Variants in TRAK1 observed in about 807,000 individuals in gnomAD.
TRAK1 encodes the protein trafficking kinesin protein 1, also known as trafficking kinesin-binding protein 1.
In TRAK1, 33 loss-of-function variants were observed where a neutral mutation model predicts 92.1. The ratio of observed to expected loss-of-function variants is 0.36; its 90% CI spans 0.27 to 0.48. TRAK1 has a LOEUF of 0.48. TRAK1 is among the 20% of genes least tolerant of loss of function. TRAK1 has a pLI of 0.99. For missense variants in TRAK1, 1,123 were observed against 1,257.9 expected, an observed-to-expected ratio of 0.89 and a Z score of 1.62; for synonymous variants, 521 against 517.3, an observed-to-expected ratio of 1.01 and a Z score of -0.10.
chr3:42,140,441 C>T (rs773377745), intron 2 of TRAK1, among the ~76,000 whole-genome samples: 56 of 152,130 alleles, frequency 3.7e-4, no homozygotes, highest in Admixed American at 9.2e-4. Flanking sequence ...CATTCTGGCT[C>T]GATGGTGAAA....
chr3:42,175,342 T>TG (rs1703063227), intron 2 of TRAK1, among the ~76,000 whole-genome samples: 1 of 152,186 alleles, frequency 6.6e-6, no homozygotes, highest in Non-Finnish European at 1.5e-5. Flanking sequence ...CTTAAGCACT[T>TG]GTGTGACCTC....
intron 1 of TRAK1, among the ~76,000 whole-genome samples, chr3:42,082,034 G>A (rs1704463532): frequency 6.6e-6 from 1 of 152,154 alleles, no homozygotes; most frequent in Non-Finnish European, 1.5e-5. Context: ...TGTGGCTTGT[G>A]TTTCCCTTTT....
chr3:42,027,770 GA>G (rs1199861924), intron 1 of TRAK1, among the ~76,000 whole-genome samples: 2 of 152,124 alleles, frequency 1.3e-5, no homozygotes, highest in Non-Finnish European at 2.9e-5. Context: ...AGAAAACCAG[GA>G]ACAACCATTT....
chr3:42,029,505 G>A (rs1007469119), intron 1 of TRAK1, among the ~76,000 whole-genome samples: 2 of 151,214 alleles, frequency 1.3e-5, no homozygotes, highest in South Asian at 2.1e-4. Context: ...TCTTCCCTAA[G>A]TGCTGGGATT....
intron 1 of TRAK1, among the ~76,000 whole-genome samples, chr3:42,076,330 A>G (rs56036033): frequency 0.15 from 20,184 of 130,682 alleles, 1,674 homozygotes; most frequent in Middle Eastern, 0.29. Flanking sequence ...TGTTCATGTG[A>G]TTCTCCTGCC....
At chr3:42,127,085 C>T (rs1026310950) in intron 2 of TRAK1, among the ~76,000 whole-genome samples, 13 of 152,100 alleles carry the variant, frequency 8.5e-5, no homozygotes, top group Admixed American at 2.0e-4. Flanking sequence ...TGATTCACAA[C>T]GTCTGTACCA....
At chr3:42,022,689 T>C (rs574593660) in intron 1 of TRAK1, among the ~76,000 whole-genome samples, 75 of 149,158 alleles carry the variant, frequency 5.0e-4, no homozygotes, top group African/African-American at 1.9e-3. Flanking sequence ...ACCATTGTAC[T>C]CCGGCCTAGG....
At chr3:42,200,088 A>G (rs1284641566) in intron 11 of TRAK1, among the ~76,000 whole-genome samples, 3 of 152,202 alleles carry the variant, frequency 2.0e-5, no homozygotes, top group African/African-American at 7.2e-5. Flanking sequence ...CATGTGGACC[A>G]GGTTTCATTG....
At chr3:42,075,923 A>G (rs1201571074) in intron 1 of TRAK1, among the ~76,000 whole-genome samples, 1 of 152,054 alleles carries the variant, frequency 6.6e-6, no homozygotes, top group Non-Finnish European at 1.5e-5. Context: ...ACTCACTGCC[A>G]CCTCTGCCTC....
At chr3:42,127,517 G>A (rs889372888) in intron 2 of TRAK1, among the ~76,000 whole-genome samples, 2 of 151,668 alleles carry the variant, frequency 1.3e-5, no homozygotes, top group African/African-American at 2.4e-5. Flanking sequence ...GTACCACCAC[G>A]CTCAGCTAAT....
chr3:42,172,131 C>G (rs771590141), intron 2 of TRAK1, among the ~76,000 whole-genome samples: 5 of 152,202 alleles, frequency 3.3e-5, no homozygotes, highest in Non-Finnish European at 4.4e-5. Context: ...AAAGTGGATT[C>G]TCCCAAACCA....
In TRAK1 at chr3:42,130,851, G is replaced by A. The variant is rs181696079; in HGVS notation, c.286+5237G>A. On this transcript the variant is annotated intron_variant, in intron 2 of 15. Coordinates refer to ENST00000327628, the MANE Select transcript of TRAK1 (RefSeq NM_001042646.3). ...ATCATTGTTCACATGGGGCCCCTGAGGTGCGGGGTGCATTGACTTGCTAAG... is the reference window on the plus strand; with the variant it reads ...ATCATTGTTCACATGGGGCCCCTGAAGTGCGGGGTGCATTGACTTGCTAAG... 5.9e-5 allele frequency among the ~76,000 whole-genome samples: 9 copies of A among 152,316 alleles called. No homozygotes were observed. In the East Asian group the frequency reaches 1.7e-3, roughly 29 times the overall value.
chr3:42,082,371 G>A (rs1704477682), upstream of TRAK1, among the ~76,000 whole-genome samples: 1 of 152,068 alleles, frequency 6.6e-6, no homozygotes, highest in Non-Finnish European at 1.5e-5. Context: ...GGCTGAGGTG[G>A]GTGGATCACT....
At chr3:42,038,787 C>CAA (rs34444971) in intron 1 of TRAK1, among the ~76,000 whole-genome samples, 5,133 of 62,376 alleles carry the variant, frequency 0.082, 211 homozygotes, top group Middle Eastern at 0.2. Flanking sequence ...GACTTCATCT[C>CAA]AAAAAAAAAA....
intron 2 of TRAK1, among the ~76,000 whole-genome samples, chr3:42,164,392 C>T (rs765938337): frequency 4.6e-5 from 7 of 152,238 alleles, no homozygotes; most frequent in Non-Finnish European, 8.8e-5. Flanking sequence ...GGCACTTTCT[C>T]ATGTCACTCA....
upstream of TRAK1, among the ~76,000 whole-genome samples, chr3:42,090,915 G>T (rs1704997274): frequency 6.6e-6 from 1 of 152,182 alleles, no homozygotes; most frequent in Non-Finnish European, 1.5e-5. Flanking sequence ...TGGAGAACAT[G>T]CTCGGATTAA....
intron 2 of TRAK1, among the ~76,000 whole-genome samples, chr3:42,163,953 G>A (rs143977681): frequency 9.9e-4 from 150 of 152,264 alleles, no homozygotes; most frequent in African/African-American, 3.1e-3. Flanking sequence ...CATTTACTTT[G>A]TAAAATGAAA....
intron 1 of TRAK1, among the ~76,000 whole-genome samples, chr3:42,032,496 A>AAAAG (rs1559711127): frequency 6.7e-6 from 1 of 149,964 alleles, no homozygotes; most frequent in African/African-American, 2.5e-5. Context: ...AAAAAAAAAA[A>AAAAG]CCATCTTTGC....
rs767422913 is a variant in TRAK1 at position 42,210,147 on chromosome 3, G to A, written c.1963+162G>A. ...TGGTGAGGGCACCACGATAAGTCCT[G>A]TAAACTTGGCACCTTTCCCGGAGGC... On this transcript the variant is annotated intron_variant, in intron 14 of 15. Coordinates refer to ENST00000327628, the MANE Select transcript of TRAK1 (RefSeq NM_001042646.3). The A allele has an allele frequency of 2.5e-6, 4 of 1,602,432 alleles. No individual in the cohort carries two copies. The African/African-American group carries it at 5.4e-5, about 21-fold the overall frequency.
Sources: allele counts gnomAD v4.1 joint callset (sites outside exome capture counted in the v4.1 genomes callset), GRCh38; gene constraint gnomAD v4.1.1; transcripts MANE v1.5; gene names NCBI Gene and HGNC (gene_info 2026-07-23, HGNC 2026-07-21).